The following NPHP1 variants were observed in gnomAD, a reference collection of about 807,000 sequenced individuals.
NPHP1 encodes the protein nephrocystin-1.
In NPHP1, 70 loss-of-function variants were observed where a neutral mutation model predicts 90.4. The ratio of observed to expected loss-of-function variants is 0.77; its 90% CI spans 0.64 to 0.95. NPHP1 has a LOEUF of 0.95. NPHP1 is among the 40% of genes least tolerant of loss of function. The probability of loss-of-function intolerance (pLI) is 0.00; values close to 1 mark genes in which losing one functional copy is unlikely to be tolerated. For synonymous variants in NPHP1, 256 were observed against 271.7 expected, an observed-to-expected ratio of 0.94 and a Z score of 0.57; for missense variants, 764 against 795.9, an observed-to-expected ratio of 0.96 and a Z score of 0.48.
At chr2:110,192,177 G>C (rs1023231846) in intron 2 of NPHP1, among the ~76,000 whole-genome samples, 2 of 152,194 alleles carry the variant, frequency 1.3e-5, no homozygotes, top group African/African-American at 4.8e-5. Context: ...CATGAGTTGA[G>C]AGAAGAAGGC....
At chr2:110,204,265 G>C (rs1685767934) in intron 1 of NPHP1, among the ~76,000 whole-genome samples, 1 of 152,266 alleles carries the variant, frequency 6.6e-6, no homozygotes, top group East Asian at 1.9e-4. Flanking sequence ...AAGACAGAGT[G>C]TTGTGATTTT....
chr2:110,128,936 G>C lies in NPHP1; in HGVS notation c.1716+250C>G, dbSNP rs567864667. The C allele has an allele frequency of 3.3e-5, 17 of 513,466 alleles. 1 individual carries two copies. The highest frequency in any genetic ancestry group is 5.2e-4 in the Middle Eastern group (1 of 1,908). 31.8% of individuals were successfully genotyped at this position (513,466 alleles called of 1,614,324 possible). A position where few individuals can be genotyped will look rare whatever the true frequency, so the allele number is the denominator to read the frequency against. ...CAATCAGTGGCCATCCTAAGTCAAGGAAAAAATGGGCAAAGATTGCAATAG... is the reference window on the plus strand; with the variant it reads ...CAATCAGTGGCCATCCTAAGTCAAGCAAAAAATGGGCAAAGATTGCAATAG... On this transcript the variant is annotated intron_variant, in intron 18 of 19. Coordinates refer to ENST00000445609, the MANE Select transcript of NPHP1 (RefSeq NM_001128178.3).
At position 110,178,491 on chromosome 2, in the gene NPHP1, A is replaced by G. The variant is rs955997067; in HGVS notation, c.261T>C (p.Thr87=). The G allele has an allele frequency of 1.9e-6, 3 of 1,613,840 alleles. No individual in the cohort carries two copies. Among genetic ancestry groups the G allele is most frequent in the Non-Finnish European group, 1.7e-6 (2 of 1,179,792 alleles). Residue 87 remains threonine, a synonymous_variant, in exon 4 of 20, where the codon ACT becomes ACC. Coordinates refer to ENST00000445609, the MANE Select transcript of NPHP1 (RefSeq NM_001128178.3). The part of the protein sequence containing the change: ...NYNQRKEEEH[T]LLDKLTQQLQ... ...GTTGTTGGGTAAGCTTGTCCAAAAG[A>G]GTATGCTCCTCTTCTTTTCTCTGAT...
chr2:110,202,372 C>T lies in NPHP1; in HGVS notation c.70-878G>A, dbSNP rs549836939. 6.8e-6 allele frequency: 3 copies of T among 443,414 alleles called. No homozygotes were observed. In the Admixed American group the frequency reaches 7.1e-5, roughly 11 times the overall value. The allele number at this position is 443,414 out of a possible 1,614,324, so 27.5% of individuals were successfully genotyped here. ...GAGTGTTATTTACAAAATTCACACA[C>T]CTAGTGATAGAGCCAGTCATCACAG... On this transcript the variant is annotated intron_variant, in intron 1 of 19. Transcript: ENST00000445609.
chr2:110,134,753 T>C (rs1680041452), intron 16 of NPHP1, among the ~76,000 whole-genome samples: 1 of 152,018 alleles, frequency 6.6e-6, no homozygotes, highest in Non-Finnish European at 1.5e-5. Context: ...TTTTCTCAAT[T>C]GATGCTGAGA....
At chr2:110,153,065 G>T (rs1266145889) in intron 11 of NPHP1, among the ~76,000 whole-genome samples, 1 of 152,084 alleles carries the variant, frequency 6.6e-6, no homozygotes. Context: ...AAAACAGTAA[G>T]AAACAGCATT....
At chr2:110,125,076 A>G in intron 19 of NPHP1, 1 of 887,678 alleles carries the variant, frequency 1.1e-6, no homozygotes, top group Middle Eastern at 2.3e-4. Context: ...TTACAACACC[A>G]GAGCTGAGTA....
chr2:110,195,537 C>G lies in NPHP1; in HGVS notation c.143+5884G>C, dbSNP rs563359845. Among the ~76,000 whole-genome samples the G allele has an allele frequency of 2.0e-5, 3 of 152,302 alleles. No homozygotes were observed. In the East Asian group the frequency reaches 5.8e-4, roughly 29 times the overall value. ...AACAAATGGAAGAACATTCCATGCT[C>G]ATGGGTAGGAAGTATCAATATCGTG... is the stretch of plus-strand genomic sequence containing the variant. On this transcript the variant is annotated intron_variant, in intron 2 of 19. Coordinates refer to ENST00000445609, the MANE Select transcript of NPHP1 (RefSeq NM_001128178.3).
chr2:110,196,964 A>G (rs1685212376), intron 2 of NPHP1, among the ~76,000 whole-genome samples: 1 of 152,130 alleles, frequency 6.6e-6, no homozygotes, highest in African/African-American at 2.4e-5. Flanking sequence ...AAGGAACAAA[A>G]TCATGTCCTT....
intron 2 of NPHP1, chr2:110,184,858 G>T: frequency 1.4e-6 from 1 of 700,348 alleles, no homozygotes; most frequent in Non-Finnish European, 2.7e-6. Context: ...CCCCTGAGCT[G>T]CTCTTCAGGC....
chr2:110,150,136 T>C, intron 12 of NPHP1, 46 bp downstream of exon 12: 6 of 1,327,080 alleles, frequency 4.5e-6, no homozygotes, highest in Non-Finnish European at 6.5e-6. Flanking sequence ...ATGAATATGT[T>C]CTACTTTGAA....
At chr2:110,147,374 A>G (rs1248779114) in intron 13 of NPHP1, among the ~76,000 whole-genome samples, 1 of 152,080 alleles carries the variant, frequency 6.6e-6, no homozygotes, top group Non-Finnish European at 1.5e-5. Context: ...TTAATGTAAC[A>G]TCTCTGTAAC....
At chr2:110,195,487 G>T (rs1226377517) in intron 2 of NPHP1, among the ~76,000 whole-genome samples, 36 of 152,176 alleles carry the variant, frequency 2.4e-4, no homozygotes, top group Middle Eastern at 3.4e-3. Context: ...ACAAACCACT[G>T]CTCAATGAAA....
intron 2 of NPHP1, among the ~76,000 whole-genome samples, chr2:110,182,024 G>C (rs1683941124): frequency 6.6e-6 from 1 of 152,058 alleles, no homozygotes; most frequent in Non-Finnish European, 1.5e-5. Context: ...CAAGGCAGAG[G>C]AAAGAATCTC....
chr2:110,172,207 T>C lies in NPHP1; in HGVS notation c.330-2209A>G, dbSNP rs183707188. Reference sequence around the variant, plus strand: ...CAAGTTGTTCATAGTCTTTTCATAGTATCTTTTTAATGCTTGTGGAATCTG... The same window carrying C: ...CAAGTTGTTCATAGTCTTTTCATAGCATCTTTTTAATGCTTGTGGAATCTG... On this transcript the variant is annotated intron_variant, in intron 4 of 19. Transcript: ENST00000445609. 8.5e-5 allele frequency among the ~76,000 whole-genome samples: 13 copies of C among 152,286 alleles called. No homozygotes were observed. The East Asian group carries it at 1.4e-3, about 16-fold the overall frequency.
At chr2:110,159,964 C>T (rs1006928379) in intron 11 of NPHP1, among the ~76,000 whole-genome samples, 163 bp downstream of exon 11, 1 of 151,938 alleles carries the variant, frequency 6.6e-6, no homozygotes, top group Non-Finnish European at 1.5e-5. Context: ...TAACCTGTAT[C>T]TCATTTAAAA....
rs187486867 is a variant in NPHP1 at position 110,138,283 on chromosome 2, G to A, written c.1529+5259C>T. Among the ~76,000 whole-genome samples the A allele has an allele frequency of 3.5e-3, 529 of 151,892 alleles. 11 individuals carry two copies. Among genetic ancestry groups the A allele is most frequent in the Non-Finnish European group, 2.8e-3 (188 of 67,948 alleles). ...ACATGTATACATATGTAACTAACCT[G>A]CACGTTCTGCACATGTACCCTAAAA... On this transcript the variant is annotated intron_variant, in intron 16 of 19. Transcript: ENST00000445609.
chr2:110,132,731 A>G (rs1679883498), intron 16 of NPHP1, among the ~76,000 whole-genome samples: 1 of 152,210 alleles, frequency 6.6e-6, no homozygotes. Context: ...GGGCTAAAAA[A>G]TAGAAAATAA....
intron 16 of NPHP1, among the ~76,000 whole-genome samples, chr2:110,141,088 T>C (rs550156239): frequency 1.3e-5 from 2 of 152,278 alleles, no homozygotes; most frequent in Non-Finnish European, 2.9e-5. Context: ...TCCTTCCCCC[T>C]CTTGGCCTTG....
Sources: allele counts gnomAD v4.1 joint callset (sites outside exome capture counted in the v4.1 genomes callset), GRCh38; gene constraint gnomAD v4.1.1; transcripts MANE v1.5; gene names NCBI Gene and HGNC (gene_info 2026-07-23, HGNC 2026-07-21).